NXF2: variants seen among roughly 807,000 people sequenced by gnomAD.
The protein encoded by NXF2 is nuclear RNA export factor 2.
At chrX:102,274,471 ACTACTT>A (rs1394452665) in intron 2 of NXF2, among the ~76,000 whole-genome samples, 1 of 3,457 alleles carries the variant, frequency 2.9e-4, no homozygotes, top group East Asian at 6.2e-3. Flanking sequence ...GACGATGATG[ACTACTT>A]CTTCTTCTTC....
chrX:102,252,093 A>G (rs1181900444), intron 2 of NXF2, among the ~76,000 whole-genome samples: 2 of 97,091 alleles, frequency 2.1e-5, no homozygotes, highest in Non-Finnish European at 4.1e-5. Flanking sequence ...CCCAGGTTCA[A>G]GCAATTCTCC....
intron 2 of NXF2, among the ~76,000 whole-genome samples, chrX:102,294,277 A>C (rs1933991223): frequency 9.7e-6 from 1 of 102,585 alleles, no homozygotes; most frequent in African/African-American, 3.9e-5. Flanking sequence ...GTAGGATGTG[A>C]GAAAAATCAA....
At chrX:102,293,524 CAT>C (rs1176337938) in intron 2 of NXF2, among the ~76,000 whole-genome samples, 395 of 8,634 alleles carry the variant, frequency 0.046, 18 homozygotes, top group African/African-American at 0.054. Context: ...TCTTTCTTTC[CAT>C]ATATATATAT....
At chrX:102,252,062 G>A (rs1329562492) in intron 2 of NXF2, among the ~76,000 whole-genome samples, 1 of 107,089 alleles carries the variant, frequency 9.3e-6, no homozygotes, top group Non-Finnish European at 1.9e-5. Context: ...GCGCGATCTC[G>A]GCTCACTGCA....
At chrX:102,281,729 C>T (rs1556383943) in intron 2 of NXF2, among the ~76,000 whole-genome samples, 1 of 63,858 alleles carries the variant, frequency 1.6e-5, no homozygotes, top group African/African-American at 5.4e-5. Context: ...TGTCGTGTGA[C>T]CCCCCCCCTC....
chrX:102,252,277 G>A (rs1476201270), intron 2 of NXF2, among the ~76,000 whole-genome samples: 1 of 57,793 alleles, frequency 1.7e-5, no homozygotes, highest in Non-Finnish European at 3.2e-5. Flanking sequence ...ATAGGCGTGA[G>A]CCACCCCCCT....
chrX:102,298,798 T>C (rs1934009992), intron 2 of NXF2, among the ~76,000 whole-genome samples: 1 of 114,474 alleles, frequency 8.7e-6, no homozygotes, highest in Admixed American at 9.1e-5. Context: ...TGGAAAATTT[T>C]GTCTATAGCT....
chrX:102,290,202 G>GA (rs1933967695), intron 2 of NXF2, among the ~76,000 whole-genome samples: 2 of 34,372 alleles, frequency 5.8e-5, no homozygotes, highest in Admixed American at 2.3e-4. Flanking sequence ...AAAAAGTCAG[G>GA]AATAACAGGT....
chrX:102,281,777 A>G (rs1466483819), intron 2 of NXF2, among the ~76,000 whole-genome samples: 2 of 70,738 alleles, frequency 2.8e-5, no homozygotes, highest in Non-Finnish European at 5.0e-5. Context: ...GCCTAATTCA[A>G]CACCAGGACT....
intron 2 of NXF2, among the ~76,000 whole-genome samples, chrX:102,294,227 A>G (rs1364464785): frequency 2.8e-5 from 3 of 106,548 alleles, no homozygotes; most frequent in African/African-American, 3.8e-5. Flanking sequence ...AAGATACACT[A>G]TGGACCTTGG....
chrX:102,294,120 A>G (rs1449403972), intron 2 of NXF2, among the ~76,000 whole-genome samples: 4 of 92,772 alleles, frequency 4.3e-5, no homozygotes, highest in African/African-American at 1.9e-4. Context: ...CAGCACACCA[A>G]CATGGCACAT....
chrX:102,281,729 C>G (rs1556383943), intron 2 of NXF2, among the ~76,000 whole-genome samples: 1 of 63,858 alleles, frequency 1.6e-5, no homozygotes, highest in Non-Finnish European at 3.0e-5. Flanking sequence ...TGTCGTGTGA[C>G]CCCCCCCCTC....
chrX:102,281,806 CT>C (rs1281158246), intron 2 of NXF2, among the ~76,000 whole-genome samples: 1 of 73,374 alleles, frequency 1.4e-5, no homozygotes, highest in Non-Finnish European at 2.5e-5. Context: ...AGTTGCAGTT[CT>C]TTTTTTTGTT....
At position 102,293,524 on chromosome X, in the gene NXF2, CATATATATATATATATATAT is replaced by C. The variant is rs1176337938; in HGVS notation, c.-53-13479_-53-13460del. 2.2e-3 allele frequency among the ~76,000 whole-genome samples: 19 copies of C among 8,692 alleles called. 4 individuals carry two copies. Among genetic ancestry groups the C allele is most frequent in the Admixed American group, 0.013 (5 of 379 alleles). 7.5% of individuals were successfully genotyped at this position (8,692 alleles called of 115,157 possible). On this transcript the variant is annotated intron_variant, in intron 2 of 22. Transcript: ENST00000625106. The stretch of plus-strand genomic sequence containing the variant: ...GTACTTTTCTTTCTCTCTTTCTTTC[CATATATATATATATATATAT>C]ATATATATATATATATATATATTTA...
intron 2 of NXF2, among the ~76,000 whole-genome samples, chrX:102,294,233 C>G (rs1161250563): frequency 9.6e-6 from 1 of 104,526 alleles, no homozygotes; most frequent in Non-Finnish European, 1.9e-5. Context: ...CACTATGGAC[C>G]TTGGGCTCAA....
chrX:102,281,840 G>A (rs1270281920), intron 2 of NXF2, among the ~76,000 whole-genome samples: 2 of 79,418 alleles, frequency 2.5e-5, no homozygotes, highest in African/African-American at 9.4e-5. Flanking sequence ...ATGGAGTCTC[G>A]CTCTGTTGCC....
intron 2 of NXF2, among the ~76,000 whole-genome samples, chrX:102,288,996 C>CTTTTT (rs1166018041): frequency 1.5e-4 from 6 of 38,807 alleles, no homozygotes; most frequent in Admixed American, 3.2e-4. Context: ...TCTTTCTTTT[C>CTTTTT]TTTTTTTTTT....
intron 2 of NXF2, among the ~76,000 whole-genome samples, chrX:102,281,819 G>GT (rs1278748690): frequency 0.024 from 1,714 of 72,370 alleles, no homozygotes; most frequent in Middle Eastern, 0.04. Flanking sequence ...TTTTTTGTTT[G>GT]TTTTTTTGAG....
chrX:102,298,486 AGG>A (rs1934004527), intron 2 of NXF2, among the ~76,000 whole-genome samples: 1 of 78,281 alleles, frequency 1.3e-5, no homozygotes. Context: ...AAAAAAAAAA[AGG>A]AAGGACCCCA....
Sources: gnomAD v4.1 joint callset for allele counts (sites outside exome capture counted in the v4.1 genomes callset) on GRCh38, gnomAD v4.1.1 for gene constraint, MANE v1.5 for transcripts, NCBI Gene and HGNC (gene_info 2026-07-23, HGNC 2026-07-21) for gene names.